Variants in AHCYL1 observed in about 807,000 individuals in gnomAD.
AHCYL1 encodes S-adenosylhomocysteine hydrolase-like protein 1.
In AHCYL1, 20 loss-of-function variants were observed where a neutral mutation model predicts 79.3. That is an observed-to-expected ratio of 0.25 (90% CI 0.18 to 0.37). AHCYL1 has a LOEUF of 0.37. Among genes scored for constraint, AHCYL1 ranks in the 10% least tolerant of loss-of-function variants. The probability of loss-of-function intolerance (pLI) is 1.00; values close to 1 mark genes in which losing one functional copy is unlikely to be tolerated. For missense variants in AHCYL1, 330 were observed against 673.6 expected, an observed-to-expected ratio of 0.49 and a Z score of 5.65; for synonymous variants, 223 against 242.2, an observed-to-expected ratio of 0.92 and a Z score of 0.74.
chr1:110,003,503 G>A (rs1056769307), intron 1 of AHCYL1, among the ~76,000 whole-genome samples: 2 of 152,104 alleles, frequency 1.3e-5, no homozygotes, highest in African/African-American at 2.4e-5. Context: ...CTAGCGAGTG[G>A]GGATGGAGGG....
At position 109,984,980 on chromosome 1, in the gene AHCYL1, G is replaced by A. The variant is rs910707304; in HGVS notation, c.-73G>A. 1 of 1,376,962 alleles carries A rather than the reference G, an allele frequency of 7.3e-7. No homozygotes were observed. The highest frequency in any genetic ancestry group is 3.0e-5 in the East Asian group (1 of 32,842). 85.3% of individuals were successfully genotyped at this position (1,376,962 alleles called of 1,614,324 possible). On this transcript the variant is annotated 5_prime_UTR_variant, in exon 1 of 17. Transcript: ENST00000369799. ...ATCGCGTGTCGGAGGGCGCCGCGCGGGCAGGCGGGCGGGCGCCAGAGGGGG... is the reference window on the plus strand; with the variant it reads ...ATCGCGTGTCGGAGGGCGCCGCGCGAGCAGGCGGGCGGGCGCCAGAGGGGG...
Position 110,011,448 on chromosome 1 carries a change from G to A in AHCYL1, c.376+91G>A. ...CAACTTAAGACTTGAAAGCTGACTT[G>A]AAAGTGTACTGGGAAGAAAGACAGT... On this transcript the variant is annotated intron_variant, in intron 3 of 16. Coordinates refer to ENST00000369799, the MANE Select transcript of AHCYL1 (RefSeq NM_006621.7). 2.6e-6 allele frequency: 4 copies of A among 1,534,056 alleles called. 1 individual carries two copies. In the South Asian group the frequency reaches 4.8e-5, roughly 18 times the overall value.
chr1:110,011,477 A>G, intron 3 of AHCYL1, 120 bp downstream of exon 3: 1 of 1,380,728 alleles, frequency 7.2e-7, no homozygotes, highest in Non-Finnish European at 9.9e-7. Context: ...AGACAGTATT[A>G]TGGACTTTCG....
chr1:110,020,613 C>T, intron 15 of AHCYL1, 118 bp from the exon 16 acceptor site: 3 of 1,295,144 alleles, frequency 2.3e-6, no homozygotes, highest in Non-Finnish European at 3.1e-6. Context: ...TGGATTCTTT[C>T]AGAGTTATTC....
At chr1:109,997,794 T>C (rs892270933) in intron 1 of AHCYL1, among the ~76,000 whole-genome samples, 1 of 152,220 alleles carries the variant, frequency 6.6e-6, no homozygotes, top group African/African-American at 2.4e-5. Context: ...GTTCCACCTT[T>C]ACCTCCCTGA....
chr1:110,017,260 T>C (rs1651477959), intron 9 of AHCYL1, among the ~76,000 whole-genome samples: 1 of 152,196 alleles, frequency 6.6e-6, no homozygotes, highest in African/African-American at 2.4e-5. Flanking sequence ...TGAAAACTGC[T>C]ATGCAAAGCC....
chr1:109,996,580 CAT>C (rs1198173401), intron 1 of AHCYL1, among the ~76,000 whole-genome samples: 3 of 152,198 alleles, frequency 2.0e-5, no homozygotes, highest in African/African-American at 7.2e-5. Context: ...TGCACACAGT[CAT>C]GTGTCACTTA....
At position 110,018,394 on chromosome 1, in the gene AHCYL1, G is replaced by A. The variant is rs1651559148; in HGVS notation, c.1145G>A (p.Arg382Gln). 2 of 1,614,088 alleles carry A rather than the reference G, an allele frequency of 1.2e-6. No homozygotes were observed. The highest frequency in any genetic ancestry group is 1.7e-6 in the Non-Finnish European group (2 of 1,179,980). The change falls in exon 12 of 17, where the codon CGG becomes CAG. Residue 382 changes from arginine (R) to glutamine (Q), a missense_variant. Around this residue, in one of 6 missense-constraint regions of AHCYL1, gnomAD observed 119 missense variants for 293.3 expected, o/e 0.41. Transcript: ENST00000369799. Reference protein sequence around the residue: ...TCTGNKNVVTREHLDRMKNSC... With the variant: ...TCTGNKNVVTQEHLDRMKNSC... ...TTAGGAAATAAGAATGTAGTGACAC[G>A]GGAGCACTTGGATCGCATGAAAAAC...
At chr1:110,019,445 G>A (rs867615354) in intron 14 of AHCYL1, 103 bp from the exon 15 acceptor site, 2 of 988,440 alleles carry the variant, frequency 2.0e-6, no homozygotes, top group African/African-American at 1.6e-5. Context: ...GACTGTGGTA[G>A]ATCACTGTAG....
At chr1:110,005,502 T>G (rs1279738210) in intron 1 of AHCYL1, among the ~76,000 whole-genome samples, 1 of 152,238 alleles carries the variant, frequency 6.6e-6, no homozygotes, top group Non-Finnish European at 1.5e-5. Context: ...TGCATAGAAC[T>G]TTCCTGGAGT....
rs1373663339 is a variant in AHCYL1 at position 109,992,364 on chromosome 1, C to T, written c.120+7192C>T. Among the ~76,000 whole-genome samples, 4 of 147,784 alleles carry T rather than the reference C, an allele frequency of 2.7e-5. No homozygotes were observed. In the South Asian group the frequency reaches 6.5e-4, roughly 24 times the overall value. On this transcript the variant is annotated intron_variant, in intron 1 of 16. Coordinates refer to ENST00000369799, the MANE Select transcript of AHCYL1 (RefSeq NM_006621.7). Reference sequence around the variant, plus strand: ...GGTGGAGGTTGCAGTGAGCCAAGATCGCACCACTGTACTCCAGCCTGGCAA... The same window carrying T: ...GGTGGAGGTTGCAGTGAGCCAAGATTGCACCACTGTACTCCAGCCTGGCAA...
At chr1:109,994,393 G>T (rs996396936) in intron 1 of AHCYL1, among the ~76,000 whole-genome samples, 34 of 152,278 alleles carry the variant, frequency 2.2e-4, no homozygotes, top group African/African-American at 5.5e-4. Context: ...CTCCCAAGTA[G>T]CTGGGATTAC....
At chr1:109,999,153 C>CT (rs199889125) in intron 1 of AHCYL1, among the ~76,000 whole-genome samples, 21 of 148,294 alleles carry the variant, frequency 1.4e-4, no homozygotes, top group African/African-American at 4.5e-4. Context: ...GACTCTGTCT[C>CT]TTTAAAAAAA....
intron 1 of AHCYL1, chr1:110,003,809 G>A (rs562421376): frequency 2.9e-5 from 13 of 444,800 alleles, no homozygotes; most frequent in African/African-American, 2.6e-4. Flanking sequence ...TCAAAAGATT[G>A]GGAAGCCCTT....
At chr1:110,005,493 G>A (rs181869930) in intron 1 of AHCYL1, among the ~76,000 whole-genome samples, 2 of 152,312 alleles carry the variant, frequency 1.3e-5, no homozygotes, top group African/African-American at 2.4e-5. Context: ...GTGTTTCCTT[G>A]CATAGAACTT....
rs1252724235 is a variant in AHCYL1 at position 109,984,818 on chromosome 1, C to G, written c.-235C>G. On this transcript the variant is annotated 5_prime_UTR_variant, in exon 1 of 17. Transcript: ENST00000369799. ...AGGTGGCGGCGCGGGCAGGTCGGAG[C>G]TCGGAGCTGCTGTTCTGGTTCTCTT... 3 of 322,296 alleles carry G rather than the reference C, an allele frequency of 9.3e-6. No individual in the cohort carries two copies. The highest frequency in any genetic ancestry group is 6.4e-5 in the East Asian group (1 of 15,714). The allele number at this position is 322,296 out of a possible 1,614,324, so 20.0% of individuals were successfully genotyped here. A position where few individuals can be genotyped will look rare whatever the true frequency, so the allele number is the denominator to read the frequency against.
At chr1:109,994,535 C>T (rs975801521) in intron 1 of AHCYL1, among the ~76,000 whole-genome samples, 4 of 152,236 alleles carry the variant, frequency 2.6e-5, no homozygotes, top group Middle Eastern at 3.4e-3. Context: ...GTGATCCACC[C>T]GCCATGGCCT....
At position 110,011,285 on chromosome 1, in the gene AHCYL1, A is replaced by G. The variant is rs1651008638; in HGVS notation, c.304A>G (p.Ser102Gly). 6.2e-7 allele frequency: 1 copy of G among 1,614,168 alleles called. No homozygotes were observed. Among genetic ancestry groups the G allele is most frequent in the Admixed American group, 1.7e-5 (1 of 60,022 alleles). The change falls in exon 3 of 17, where the codon AGC becomes GGC. Residue 102 changes from serine (S) to glycine (G), a missense_variant. By Grantham distance (56) the Ser-to-Gly change is moderately conservative. Around this residue, in one of 6 missense-constraint regions of AHCYL1, gnomAD observed 97 missense variants for 176.3 expected, o/e 0.55. Coordinates refer to ENST00000369799, the MANE Select transcript of AHCYL1 (RefSeq NM_006621.7). Reference sequence around the variant, plus strand: ...GAAGCAGCAAACCAACTCCAAGGGCAGCAGCAATTTCTGTGTGAAGAACAT... The same window carrying G: ...GAAGCAGCAAACCAACTCCAAGGGCGGCAGCAATTTCTGTGTGAAGAACAT... ...REKQQTNSKG[S>G]SNFCVKNIKQ...
Position 109,985,095 on chromosome 1 carries a change from G to A in AHCYL1, c.43G>A (p.Glu15Lys). 1 of 1,610,182 alleles carries A rather than the reference G, an allele frequency of 6.2e-7. No individual in the cohort carries two copies. The highest frequency in any genetic ancestry group is 8.5e-7 in the Non-Finnish European group (1 of 1,178,682). The change falls in exon 1 of 17, where the codon GAG (glutamate) becomes AAG (lysine). Residue 15 changes from glutamate (E) to lysine (K), a missense_variant. Glu to Lys is a moderately conservative substitution (Grantham distance 56). Coordinates refer to ENST00000369799, the MANE Select transcript of AHCYL1 (RefSeq NM_006621.7). Reference sequence around the variant, plus strand: ...GATGCCGCTGCCCGGGGTCGGGGAGGAGCTGAAGCAGGCCAAGGAGATCGA... The same window carrying A: ...GATGCCGCTGCCCGGGGTCGGGGAGAAGCTGAAGCAGGCCAAGGAGATCGA... ...DAMPLPGVGE[E>K]LKQAKEIEDA...
Sources: gnomAD v4.1 joint callset for allele counts (sites outside exome capture counted in the v4.1 genomes callset) on GRCh38, gnomAD v4.1.1 for gene constraint, gnomAD v4.1.1 regional missense constraint, MANE v1.5 for transcripts, NCBI Gene and HGNC (gene_info 2026-07-23, HGNC 2026-07-21) for gene names.